Variants in NF1 observed in about 807,000 individuals in gnomAD.
NF1 encodes the protein neurofibromin.
A neutral mutation model predicts 325.7 loss-of-function variants in NF1; 122 were observed. That is an observed-to-expected ratio of 0.37 (90% CI 0.32 to 0.44). NF1 has a LOEUF of 0.44. NF1 is among the 20% of genes least tolerant of loss of function. NF1 has a pLI of 1.00. For synonymous variants in NF1, 1,091 were observed against 1,186.0 expected, an observed-to-expected ratio of 0.92 and a Z score of 1.65; for missense variants, 2,140 against 3,415.4, an observed-to-expected ratio of 0.63 and a Z score of 9.31.
rs759092552 is a variant in NF1 at position 31,327,850 on chromosome 17, T to A, written c.5609+11T>A. On this transcript the variant is annotated intron_variant, in intron 38 of 57. Transcript: ENST00000358273. ...TGACCCGAGTTTACGGTAGGTTTTT[T>A]AAAATTCTCTTCAGTTTGATTTGGG... 109 of 1,610,874 alleles carry A rather than the reference T, an allele frequency of 6.8e-5. 1 individual carries two copies. In the Middle Eastern group the frequency reaches 7.2e-4, roughly 11 times the overall value.
chr17:31,109,179 A>G (rs756287533), intron 1 of NF1, among the ~76,000 whole-genome samples: 16 of 152,084 alleles, frequency 1.1e-4, no homozygotes, highest in East Asian at 3.9e-4. Flanking sequence ...CTCATTCCCA[A>G]TCTGGCTCCT....
chr17:31,161,729 A>C (rs1304811064), intron 3 of NF1, among the ~76,000 whole-genome samples: 1 of 152,170 alleles, frequency 6.6e-6, no homozygotes, highest in Non-Finnish European at 1.5e-5. Context: ...ATTAGGTTTA[A>C]ATTTTAGCTT....
At chr17:31,152,898 T>G (rs1432943063) in intron 1 of NF1, among the ~76,000 whole-genome samples, 1 of 152,148 alleles carries the variant, frequency 6.6e-6, no homozygotes, top group Non-Finnish European at 1.5e-5. Flanking sequence ...CATAGAACTT[T>G]TCTGTTGGCT....
intron 1 of NF1, among the ~76,000 whole-genome samples, chr17:31,150,091 T>G (rs556208100): frequency 6.6e-6 from 1 of 152,346 alleles, no homozygotes; most frequent in African/African-American, 2.4e-5. Flanking sequence ...AGGTCGAGTA[T>G]CCCGTATCTG....
intron 11 of NF1, among the ~76,000 whole-genome samples, chr17:31,203,367 A>G (rs191316890): frequency 9.2e-5 from 14 of 152,366 alleles, no homozygotes; most frequent in African/African-American, 2.9e-4. Context: ...TAACTTTTCA[A>G]TGAAATAGCT....
intron 1 of NF1, among the ~76,000 whole-genome samples, chr17:31,112,793 A>G (rs1237920563): frequency 6.6e-6 from 1 of 152,132 alleles, no homozygotes; most frequent in Non-Finnish European, 1.5e-5. Flanking sequence ...TAAAAAATAG[A>G]TCATGTTATT....
rs543284240 is a variant in NF1, at chr17:31,312,275, C to T, written c.4836-13545C>T. 2.2e-4 allele frequency among the ~76,000 whole-genome samples: 33 copies of T among 151,966 alleles called. No individual in the cohort carries two copies. The South Asian group carries it at 6.7e-3, about 31-fold the overall frequency. On this transcript the variant is annotated intron_variant, in intron 36 of 57. Transcript: ENST00000358273. ...CTGTAATCCCAGCACTTTGGGAGGC[C>T]GAGGTGGGCCAATCACTTGAGGTCA...
At chr17:31,137,950 C>T (rs532743410) in intron 1 of NF1, 12 of 151,934 alleles carry the variant, frequency 7.9e-5, no homozygotes, top group Non-Finnish European at 1.8e-4. Context: ...TGTCATCAAT[C>T]TGTTTATTTT....
In NF1 at chr17:31,154,661, A is replaced by G. The variant is rs1384789965; in HGVS notation, c.61-1322A>G. Among the ~76,000 whole-genome samples the G allele has an allele frequency of 4.0e-5, 6 of 149,830 alleles. No homozygotes were observed. In the East Asian group the frequency reaches 1.2e-3, roughly 29 times the overall value. Reference sequence around the variant, plus strand: ...TATAATTAACATTACGAAGTTCTGTAGTTTCTGTTCTGCCCCCTCCTTTAC... The same window carrying G: ...TATAATTAACATTACGAAGTTCTGTGGTTTCTGTTCTGCCCCCTCCTTTAC... On this transcript the variant is annotated intron_variant, in intron 1 of 57. Coordinates refer to ENST00000358273, the MANE Select transcript of NF1 (RefSeq NM_001042492.3).
rs535539594 is a variant in NF1, at chr17:31,340,201, G to T, written c.6922-304G>T. On this transcript the variant is annotated intron_variant, in intron 46 of 57. Transcript: ENST00000358273. ...TGGTAATGTCATTAGCAATAAGAAA[G>T]AAATGACAAAAGATACAAAAGAGAC... 49 of 379,816 alleles carry T rather than the reference G, an allele frequency of 1.3e-4. 1 individual carries two copies. The highest frequency in any genetic ancestry group is 2.0e-4 in the Non-Finnish European group (42 of 206,000). 23.5% of individuals were successfully genotyped at this position (379,816 alleles called of 1,614,324 possible).
chr17:31,185,684 C>G (rs1375237907), intron 8 of NF1, among the ~76,000 whole-genome samples: 11 of 152,170 alleles, frequency 7.2e-5, no homozygotes. Context: ...GTGTGTTACT[C>G]TGGCCCATTT....
chr17:31,254,299 G>A (rs989675649), intron 31 of NF1: 102 of 141,242 alleles, frequency 7.2e-4, no homozygotes, highest in African/African-American at 2.3e-3. Context: ...AAAAGAAAAC[G>A]AAAAAGCTTT....
At position 31,235,703 on chromosome 17, in the gene NF1, G is replaced by A. The variant is rs786201366; in HGVS notation, c.3801G>A (p.Leu1267=). 1.2e-6 allele frequency: 2 copies of A among 1,614,044 alleles called. No individual in the cohort carries two copies. Among genetic ancestry groups the A allele is most frequent in the Non-Finnish European group, 1.7e-6 (2 of 1,179,998 alleles). ...LWNMFSKEVE[L]ADSMQTLFRG... The stretch of plus-strand genomic sequence containing the variant: ...ACATGTTTTCTAAAGAAGTAGAATT[G>A]GCAGACTCCATGCAGACTCTCTTCC... The change falls in exon 28 of 58, where the codon TTG becomes TTA. Residue 1267 remains leucine, a synonymous_variant. Transcript: ENST00000358273.
At chr17:31,362,894 G>C (rs56378973) in intron 57 of NF1, among the ~76,000 whole-genome samples, 16,968 of 152,222 alleles carry the variant, frequency 0.11, 2,583 homozygotes, top group African/African-American at 0.34. Flanking sequence ...CATATGTCCA[G>C]TGTTGATTGG....
At chr17:31,173,285 C>T (rs1597648344) in intron 5 of NF1, among the ~76,000 whole-genome samples, 1 of 152,224 alleles carries the variant, frequency 6.6e-6, no homozygotes, top group East Asian at 1.9e-4. Flanking sequence ...TGGTGGGCGC[C>T]TGTAGTCCCA....
At position 31,095,093 on chromosome 17, in the gene NF1, C is replaced by T; in HGVS notation, c.-217C>T. ...CTCCCCGGGTCCCCTTCCCCTATCCCCCTCCCCCCAGCCTCCTTGCCAACG... is the reference window on the plus strand; with the variant it reads ...CTCCCCGGGTCCCCTTCCCCTATCCTCCTCCCCCCAGCCTCCTTGCCAACG... On this transcript the variant is annotated 5_prime_UTR_variant, in exon 1 of 58. Coordinates refer to ENST00000358273, the MANE Select transcript of NF1 (RefSeq NM_001042492.3). 2.4e-6 allele frequency: 1 copy of T among 422,794 alleles called. No individual in the cohort carries two copies. The highest frequency in any genetic ancestry group is 4.2e-6 in the Non-Finnish European group (1 of 240,672). 26.2% of individuals were successfully genotyped at this position (422,794 alleles called of 1,614,324 possible).
intron 1 of NF1, among the ~76,000 whole-genome samples, chr17:31,134,099 G>A (rs964360627): frequency 2.0e-5 from 3 of 151,942 alleles, no homozygotes; most frequent in Admixed American, 6.6e-5. Flanking sequence ...CTGCATCTTC[G>A]AACTCTTGGA....
chr17:31,178,452 T>G (rs1340497052), intron 5 of NF1, among the ~76,000 whole-genome samples: 1 of 152,210 alleles, frequency 6.6e-6, no homozygotes, highest in African/African-American at 2.4e-5. Flanking sequence ...GTGAAGAAAC[T>G]GCATCAACTA....
rs2151428954 is a variant in NF1, at chr17:31,229,098, T to A, written c.2483T>A (p.Leu828Ter). 1 of 1,611,926 alleles carries A rather than the reference T, an allele frequency of 6.2e-7. No homozygotes were observed. The highest frequency in any genetic ancestry group is 8.5e-7 in the Non-Finnish European group (1 of 1,179,794). ...GTGAGTGGAGGAGGATCCATAGATT[T>A]GTCTGACACAGACTCCCTACAGGAA... ...SHVSGGGSID[L>*]SDTDSLQEWI... The change falls in exon 21 of 58, where the codon TTG becomes TAG. Residue 828 changes from leucine to a stop codon, truncating the protein, a stop_gained. Transcript: ENST00000358273. LOFTEE classifies it high-confidence loss of function.
Sources: allele counts gnomAD v4.1 joint callset (sites outside exome capture counted in the v4.1 genomes callset), GRCh38; gene constraint gnomAD v4.1.1; transcripts MANE v1.5; gene names NCBI Gene and HGNC (gene_info 2026-07-23, HGNC 2026-07-21).